Variants in ZNF804B observed in about 807,000 individuals in gnomAD.
The protein encoded by ZNF804B is zinc finger protein 804B, also known as zinc finger 804B.
Under a neutral mutation model 101.4 loss-of-function variants are expected in ZNF804B, and 80 were observed. That is an observed-to-expected ratio of 0.79 (90% confidence interval 0.66 to 0.95). ZNF804B has a LOEUF of 0.95. Among genes scored for constraint, ZNF804B ranks in the 40% least tolerant of loss-of-function variants. ZNF804B has a pLI of 0.00. For missense variants in ZNF804B, 1,673 were observed against 1,561.9 expected (o/e 1.07, Z -1.20); for synonymous variants, 622 against 558.8 (o/e 1.11, Z -1.59).
Position 88,868,048 on chromosome 7 carries a change from AGTGTGTGTGTGTGTGT to A in ZNF804B, c.108+107987_108+108002del, listed in dbSNP as rs34267852. Among the ~76,000 whole-genome samples the A allele has an allele frequency of 2.1e-5, 3 of 142,652 alleles. No individual in the cohort carries two copies. The East Asian group carries it at 6.1e-4, about 29-fold the overall frequency. 93.6% of individuals were successfully genotyped at this position (142,652 alleles called of 152,430 possible). A position where few individuals can be genotyped will look rare whatever the true frequency, so the allele number is the denominator to read the frequency against. On this transcript the variant is annotated intron_variant, in intron 1 of 3. Coordinates refer to ENST00000333190, the MANE Select transcript of ZNF804B (RefSeq NM_181646.5). ...CATAATTCTACTGTGTGTGTGTGTG[AGTGTGTGTGTGTGTGT>A]GTGTGTGTGTGTGTGTGTGTGTATT...
chr7:89,146,054 C>T (rs577354556), intron 1 of ZNF804B, among the ~76,000 whole-genome samples: 23 of 152,098 alleles, frequency 1.5e-4, no homozygotes, highest in African/African-American at 5.5e-4. Flanking sequence ...TGTTGAAACT[C>T]ATTATCCTCC....
chr7:88,908,402 C>T (rs1473799874), intron 1 of ZNF804B, among the ~76,000 whole-genome samples: 3 of 151,472 alleles, frequency 2.0e-5, no homozygotes, highest in Admixed American at 6.6e-5. Flanking sequence ...AAAAGTAACA[C>T]ATATTGTACC....
chr7:88,853,028 A>C (rs1457779234), intron 1 of ZNF804B, among the ~76,000 whole-genome samples: 2 of 152,080 alleles, frequency 1.3e-5, no homozygotes, highest in Non-Finnish European at 2.9e-5. Flanking sequence ...GAGTGAAAAG[A>C]AGCTATACCC....
intron 1 of ZNF804B, among the ~76,000 whole-genome samples, chr7:88,842,465 A>C (rs1791303823): frequency 1.3e-5 from 2 of 152,204 alleles, no homozygotes; most frequent in Non-Finnish European, 1.5e-5. Flanking sequence ...AGCCTGCAGC[A>C]GACATTTATG....
chr7:88,773,201 TAC>T (rs1790094790), intron 1 of ZNF804B, among the ~76,000 whole-genome samples: 1 of 152,298 alleles, frequency 6.6e-6, no homozygotes, highest in South Asian at 2.1e-4. Context: ...CCTCAGGAAC[TAC>T]TGAGTGGGTA....
chr7:88,926,447 T>C (rs1464347611), intron 1 of ZNF804B, among the ~76,000 whole-genome samples: 1 of 97,372 alleles, frequency 1.0e-5, no homozygotes, highest in Non-Finnish European at 1.9e-5. Flanking sequence ...AAAAAAAAAA[T>C]AGCCGGGCGT....
At chr7:88,802,644 A>G in intron 1 of ZNF804B, among the ~76,000 whole-genome samples, 1 of 152,182 alleles carries the variant, frequency 6.6e-6, no homozygotes, top group South Asian at 2.1e-4. Flanking sequence ...ATTTGCCTAT[A>G]TAATTTTTCG....
chr7:88,855,708 G>T (rs1260673550), intron 1 of ZNF804B, among the ~76,000 whole-genome samples: 3 of 152,124 alleles, frequency 2.0e-5, no homozygotes, highest in Non-Finnish European at 4.4e-5. Context: ...GTATTGCCTA[G>T]GTTTTCTTCT....
intron 2 of ZNF804B, among the ~76,000 whole-genome samples, chr7:89,222,531 A>G (rs1722193009): frequency 6.6e-6 from 1 of 151,898 alleles, no homozygotes; most frequent in South Asian, 2.1e-4. Flanking sequence ...TTATCATGCT[A>G]TTCAAATCCA....
intron 1 of ZNF804B, among the ~76,000 whole-genome samples, chr7:88,884,848 T>A (rs7805900): frequency 0.033 from 4,990 of 152,008 alleles, 121 homozygotes; most frequent in Non-Finnish European, 0.046. Context: ...TTAACCAGAA[T>A]TATGTTGTCT....
intron 1 of ZNF804B, among the ~76,000 whole-genome samples, chr7:88,845,312 C>CACACAG (rs1791357466): frequency 1.3e-5 from 2 of 152,090 alleles, no homozygotes; most frequent in African/African-American, 4.8e-5. Context: ...CACACACACA[C>CACACAG]ACACACACAA....
intron 1 of ZNF804B, among the ~76,000 whole-genome samples, chr7:88,907,624 T>C (rs748564905): frequency 2.6e-5 from 4 of 151,952 alleles, no homozygotes; most frequent in Non-Finnish European, 5.9e-5. Flanking sequence ...ACGGACTAAC[T>C]AAGTAGCCCA....
intron 1 of ZNF804B, among the ~76,000 whole-genome samples, chr7:89,139,610 CA>C (rs894511987): frequency 6.6e-6 from 1 of 150,976 alleles, no homozygotes; most frequent in South Asian, 2.1e-4. Flanking sequence ...GATTACATCT[CA>C]AAAAAAAGAA....
At chr7:88,959,941 T>C (rs1161186899) in intron 1 of ZNF804B, among the ~76,000 whole-genome samples, 2 of 151,400 alleles carry the variant, frequency 1.3e-5, no homozygotes, top group Non-Finnish European at 3.0e-5. Flanking sequence ...TTCTAAGTTT[T>C]GGCACAAATA....
In ZNF804B at chr7:89,334,932, T is replaced by C. The variant is rs147471581; in HGVS notation, c.1950T>C (p.Asp650=). The change falls in exon 4 of 4, where the codon GAT becomes GAC. Residue 650 remains aspartate, a synonymous_variant. Coordinates refer to ENST00000333190, the MANE Select transcript of ZNF804B (RefSeq NM_181646.5). ...GCAGTCCTCATTTGGAATTTGAAGATGAAAGACAATTCAACTGCAAGTCCA... is the reference window on the plus strand; with the variant it reads ...GCAGTCCTCATTTGGAATTTGAAGACGAAAGACAATTCAACTGCAAGTCCA... ...IPCSPHLEFE[D]ERQFNCKSSP... is the part of the protein sequence containing the mutation. 10 of 1,613,752 alleles carry C rather than the reference T, an allele frequency of 6.2e-6. No individual in the cohort carries two copies. Among genetic ancestry groups the C allele is most frequent in the African/African-American group, 1.3e-5 (1 of 74,894 alleles).
chr7:88,916,470 C>G (rs1032825587), intron 1 of ZNF804B, among the ~76,000 whole-genome samples: 3 of 152,030 alleles, frequency 2.0e-5, no homozygotes, highest in Non-Finnish European at 4.4e-5. Context: ...TATTGTATTG[C>G]TAGTGAACCG....
chr7:88,793,824 G>A (rs1325598003), intron 1 of ZNF804B, among the ~76,000 whole-genome samples: 1 of 152,080 alleles, frequency 6.6e-6, no homozygotes, highest in Non-Finnish European at 1.5e-5. Context: ...CTATGTAGTA[G>A]TGACTGTTTA....
chr7:89,131,929 A>C (rs529627113), intron 1 of ZNF804B, among the ~76,000 whole-genome samples: 1 of 152,012 alleles, frequency 6.6e-6, no homozygotes, highest in East Asian at 1.9e-4. Context: ...ATAATTTTGT[A>C]CATGAATAAC....
At chr7:89,138,050 G>A (rs1212788189) in intron 1 of ZNF804B, among the ~76,000 whole-genome samples, 1 of 152,128 alleles carries the variant, frequency 6.6e-6, no homozygotes, top group East Asian at 1.9e-4. Flanking sequence ...GCCTTCAGGT[G>A]CACAGAAGTA....
Sources: gnomAD v4.1 joint callset for allele counts (sites outside exome capture counted in the v4.1 genomes callset) on GRCh38, gnomAD v4.1.1 for gene constraint, MANE v1.5 for transcripts, NCBI Gene and HGNC (gene_info 2026-07-23, HGNC 2026-07-21) for gene names.